C12orf42: variants seen among roughly 807,000 people sequenced by gnomAD.
C12orf42 encodes the protein chromosome 12 open reading frame 42.
Under a neutral mutation model 21.6 loss-of-function variants are expected in C12orf42, and 25 were observed. The ratio of observed to expected loss-of-function variants is 1.16; its 90% CI spans 0.84 to 1.62. The LOEUF is 1.62. Among genes scored for constraint, C12orf42 ranks in the 40% most tolerant of loss-of-function variants. The pLI, the probability that C12orf42 is intolerant of heterozygous loss-of-function variation, is 0.00. For missense variants in C12orf42, 483 were observed against 459.3 expected (o/e 1.05, Z -0.47); for synonymous variants, 174 against 175.0 (o/e 0.99, Z 0.05).
At chr12:103,231,084 A>G in the C12orf42 span, among the ~76,000 whole-genome samples, 1 of 152,194 alleles carries the variant, frequency 6.6e-6, no homozygotes, top group Non-Finnish European at 1.5e-5. Context: ...GGTTTTCTAA[A>G]TTATCCTTTA....
At chr12:103,256,876 G>A (rs1052898836) in intron 10 of C12orf42, among the ~76,000 whole-genome samples, 16 of 152,268 alleles carry the variant, frequency 1.1e-4, no homozygotes, top group African/African-American at 3.4e-4. Flanking sequence ...CCTACAAGCA[G>A]TGTATAGACA....
chr12:103,345,141 C>T (rs189433027), intron 4 of C12orf42, among the ~76,000 whole-genome samples: 125 of 152,268 alleles, frequency 8.2e-4, no homozygotes, highest in African/African-American at 2.8e-3. Context: ...AATTATACCC[C>T]TCATAAGGAT....
At position 103,302,413 on chromosome 12, in the gene C12orf42, C is replaced by T; in HGVS notation, c.778G>A (p.Asp260Asn). ...VPAGAQAHPD[D>N]IQSRLLGASG... ...GCGCCCAGGAGTCTGCTTTGGATGT[C>T]GTCGGGGTGTGCCTGAGCGCCTGCT... The change falls in exon 6 of 6, where the codon GAC becomes AAC. Residue 260 changes from aspartate to asparagine, a missense_variant. Transcript: ENST00000548883. The T allele has an allele frequency of 4.3e-6, 7 of 1,613,860 alleles. No homozygotes were observed. The highest frequency in any genetic ancestry group is 5.9e-6 in the Non-Finnish European group (7 of 1,179,852).
the C12orf42 span, among the ~76,000 whole-genome samples, chr12:103,062,214 A>C: frequency 6.6e-6 from 1 of 151,128 alleles, no homozygotes; most frequent in East Asian, 1.9e-4. Context: ...ATATATATAC[A>C]TATATTTATT....
At chr12:103,111,990 G>C in the C12orf42 span, among the ~76,000 whole-genome samples, 1 of 152,168 alleles carries the variant, frequency 6.6e-6, no homozygotes. Flanking sequence ...TTCCAGAATT[G>C]CTCCAATTTC....
At chr12:103,333,274 T>C (rs2041403143) in intron 4 of C12orf42, among the ~76,000 whole-genome samples, 1 of 152,236 alleles carries the variant, frequency 6.6e-6, no homozygotes, top group African/African-American at 2.4e-5. Flanking sequence ...AGCAAGTTAG[T>C]TACTCTCTCT....
the C12orf42 span, among the ~76,000 whole-genome samples, chr12:103,097,044 CT>C: frequency 6.6e-6 from 1 of 152,266 alleles, no homozygotes; most frequent in South Asian, 2.1e-4. Flanking sequence ...TCCTCACAGC[CT>C]GGCAAAATTA....
the C12orf42 span, among the ~76,000 whole-genome samples, chr12:103,180,297 C>T: frequency 6.6e-6 from 1 of 151,822 alleles, no homozygotes; most frequent in Non-Finnish European, 1.5e-5. Context: ...AATTAGGTGG[C>T]AAGTAGGAAA....
At chr12:103,526,849 G>A in the C12orf42 span, among the ~76,000 whole-genome samples, 2 of 152,178 alleles carry the variant, frequency 1.3e-5, no homozygotes, top group Admixed American at 6.5e-5. Context: ...AATTTCTATT[G>A]TTGAAGCTTC....
Position 103,355,126 on chromosome 12 carries a change from A to G in C12orf42, c.259+13761T>C, listed in dbSNP as rs781446297. Among the ~76,000 whole-genome samples the G allele has an allele frequency of 1.1e-3, 173 of 152,102 alleles. 1 individual carries two copies. Among genetic ancestry groups the G allele is most frequent in the Non-Finnish European group, 9.7e-4 (66 of 67,998 alleles). ...CATTGTCAGCTGCTTCCTTGTCCTT[A>G]GAGTATTCCCCCTTTGAGAAAAATC... On this transcript the variant is annotated intron_variant, in intron 4 of 5. Transcript: ENST00000548883.
intron 3 of C12orf42, among the ~76,000 whole-genome samples, chr12:103,374,019 G>T (rs2045485880): frequency 1.3e-5 from 2 of 152,146 alleles, no homozygotes; most frequent in Non-Finnish European, 2.9e-5. Flanking sequence ...CAGTGTTAAG[G>T]TGAAATAACC....
the C12orf42 span, among the ~76,000 whole-genome samples, chr12:103,210,189 C>A: frequency 2.6e-5 from 4 of 151,992 alleles, no homozygotes; most frequent in Non-Finnish European, 5.9e-5. Context: ...AATTATAATT[C>A]TATCACAATT....
At chr12:103,507,227 A>ATAATATATATATAATATAT in the C12orf42 span, among the ~76,000 whole-genome samples, 1 of 38,084 alleles carries the variant, frequency 2.6e-5, no homozygotes, top group South Asian at 1.1e-3. Context: ...ATATAAATAT[A>ATAATATATATATAATATAT]AATATATATA....
At chr12:103,201,819 G>A in the C12orf42 span, among the ~76,000 whole-genome samples, 1 of 152,096 alleles carries the variant, frequency 6.6e-6, no homozygotes, top group Non-Finnish European at 1.5e-5. Flanking sequence ...TGTCTTCACT[G>A]CTTTATGACC....
chr12:103,092,110 A>C, the C12orf42 span, among the ~76,000 whole-genome samples: 2 of 152,294 alleles, frequency 1.3e-5, no homozygotes, highest in Non-Finnish European at 2.9e-5. Flanking sequence ...CTGACTAGTA[A>C]AATTTCTTGG....
At chr12:103,177,463 A>T in the C12orf42 span, among the ~76,000 whole-genome samples, 1 of 152,218 alleles carries the variant, frequency 6.6e-6, no homozygotes, top group Admixed American at 6.5e-5. Context: ...AGAGCTAAAG[A>T]AATGTAAGGG....
chr12:103,155,856 A>AGTGTATATATACATATATACATATAT, the C12orf42 span, among the ~76,000 whole-genome samples: 1 of 150,354 alleles, frequency 6.7e-6, no homozygotes, highest in African/African-American at 2.5e-5. Context: ...TACATATATG[A>AGTGTATATATACATATATACATATAT]GTGTATATAT....
intron 10 of C12orf42, among the ~76,000 whole-genome samples, chr12:103,257,075 A>G (rs1026473923): frequency 6.6e-6 from 1 of 152,232 alleles, no homozygotes; most frequent in Non-Finnish European, 1.5e-5. Flanking sequence ...TGCTAAGGCC[A>G]TTATCCTTAG....
At chr12:103,296,720 G>C (rs1272773136) in intron 4 of C12orf42, among the ~76,000 whole-genome samples, 1 of 151,890 alleles carries the variant, frequency 6.6e-6, no homozygotes, top group Non-Finnish European at 1.5e-5. Context: ...TTTTTTTCTT[G>C]TAAATTTGTT....
Sources: gnomAD v4.1 joint callset for allele counts (sites outside exome capture counted in the v4.1 genomes callset) on GRCh38, gnomAD v4.1.1 for gene constraint, MANE v1.5 for transcripts, NCBI Gene and HGNC (gene_info 2026-07-23, HGNC 2026-07-21) for gene names.